HECTD4: variants seen among roughly 807,000 people sequenced by gnomAD.
HECTD4 encodes the protein probable E3 ubiquitin-protein ligase HECTD4.
A neutral mutation model predicts 471.5 loss-of-function variants in HECTD4; 114 were observed. The observed-to-expected ratio is 0.24, with a 90% CI of 0.21 to 0.28. The LOEUF (loss-of-function observed/expected upper bound fraction) is 0.28. Among genes scored for constraint, HECTD4 ranks in the 10% least tolerant of loss-of-function variants. HECTD4 has a pLI of 1.00. For synonymous variants in HECTD4, 2,012 were observed against 2,256.0 expected, an observed-to-expected ratio of 0.89 and a Z score of 3.07; for missense variants, 3,866 against 5,651.5, an observed-to-expected ratio of 0.68 and a Z score of 10.13.
At chr12:112,333,091 T>C (rs554434035) in intron 1 of HECTD4, among the ~76,000 whole-genome samples, 12 of 152,252 alleles carry the variant, frequency 7.9e-5, no homozygotes, top group African/African-American at 1.9e-4. Context: ...CACATTTTAT[T>C]TATCTATTCA....
chr12:112,328,283 C>T (rs968373616), intron 1 of HECTD4, among the ~76,000 whole-genome samples: 2 of 152,058 alleles, frequency 1.3e-5, no homozygotes, highest in Admixed American at 6.6e-5. Flanking sequence ...GGACTACAGG[C>T]ATTCACCACT....
chr12:112,179,605 C>T lies in HECTD4; in HGVS notation c.10988-208G>A, dbSNP rs1260003220. 6.6e-6 allele frequency among the ~76,000 whole-genome samples: 1 copy of T among 152,228 alleles called. No individual in the cohort carries two copies. Among genetic ancestry groups the T allele is most frequent in the Non-Finnish European group, 1.5e-5 (1 of 68,038 alleles). ...TTGCCGTAAGGTGCGGCCCTGCAACCGTGGTCACTGTGGGATGTGAGCCAC... is the reference window on the plus strand; with the variant it reads ...TTGCCGTAAGGTGCGGCCCTGCAACTGTGGTCACTGTGGGATGTGAGCCAC... On this transcript the variant is annotated intron_variant, in intron 62 of 75. Transcript: ENST00000682272. This position sits in a 1 kb window ranked among gnomAD's most constrained non-coding sequence, Gnocchi z 4.3.
intron 7 of HECTD4, among the ~76,000 whole-genome samples, chr12:112,295,182 G>T (rs2034980420): frequency 1.3e-5 from 2 of 151,858 alleles, no homozygotes; most frequent in South Asian, 4.2e-4. Context: ...CCCTGCTGGA[G>T]CTGACATTCT....
At chr12:112,236,345 TTC>T (rs1566082714) in intron 35 of HECTD4, among the ~76,000 whole-genome samples, 2 of 152,190 alleles carry the variant, frequency 1.3e-5, no homozygotes, top group Non-Finnish European at 2.9e-5. Context: ...TTGTAAATAG[TTC>T]TCTTTGGAAT....
intron 1 of HECTD4, among the ~76,000 whole-genome samples, chr12:112,332,753 C>G (rs1819770940): frequency 6.6e-6 from 1 of 151,168 alleles, no homozygotes; most frequent in African/African-American, 2.4e-5. Context: ...ATTCAATGGC[C>G]TTTAGTATAA....
chr12:112,232,949 G>T, intron 38 of HECTD4, 55 bp downstream of exon 38: 2 of 1,406,662 alleles, frequency 1.4e-6, no homozygotes, highest in Non-Finnish European at 2.0e-6. Context: ...AAAATCTAAA[G>T]CATGACAAAT....
intron 7 of HECTD4, chr12:112,301,771 G>A (rs1470403882): frequency 3.9e-6 from 2 of 508,294 alleles, no homozygotes; most frequent in Admixed American, 3.2e-5. Flanking sequence ...GTGCTTATGT[G>A]AAGTTTTACT....
At position 112,319,822 on chromosome 12, in the gene HECTD4, A is replaced by G. The variant is rs2035549178; in HGVS notation, c.178-80T>C. 3.8e-6 allele frequency: 4 copies of G among 1,062,730 alleles called. No homozygotes were observed. Among genetic ancestry groups the G allele is most frequent in the Non-Finnish European group, 4.8e-6 (4 of 832,236 alleles). The allele number at this position is 1,062,730 out of a possible 1,614,324, so 65.8% of individuals were successfully genotyped here. On this transcript the variant is annotated intron_variant, in intron 1 of 75. Transcript: ENST00000682272. The surrounding 1 kb of genome is among the most constrained non-coding windows in gnomAD (Gnocchi z 5.3). ...TAAGGAAGAAAATATGTTTAATGAT[A>G]TCCCAAAATAGTCAACGCCAAAAAT...
rs776875006 is a variant in HECTD4 at position 112,239,996 on chromosome 12, C to T, written c.4990G>A (p.Glu1664Lys). 2.1e-5 allele frequency: 34 copies of T among 1,613,836 alleles called. No homozygotes were observed. The Admixed American group carries it at 2.2e-4, about 10-fold the overall frequency. Residue 1664 changes from glutamate to lysine, a missense_variant, in exon 33 of 76, where the codon GAG becomes AAG. By Grantham distance (56) the Glu-to-Lys change is moderately conservative. Around this residue, in one of 16 missense-constraint regions of HECTD4, gnomAD observed 229 missense variants for 386.4 expected, o/e 0.59. Coordinates refer to ENST00000682272, the MANE Select transcript of HECTD4 (RefSeq NM_001388303.1). The surrounding 1 kb of genome is among the most constrained non-coding windows in gnomAD (Gnocchi z 4.9). The part of the protein sequence containing the change: ...IEELTCGGMV[E>K]QVQEAFGETM... ...TCGCCAAAGGCTTCCTGGACCTGCTCGACCATCCCACCACATGTGAGTTCT... is the reference window on the plus strand; with the variant it reads ...TCGCCAAAGGCTTCCTGGACCTGCTTGACCATCCCACCACATGTGAGTTCT...
intron 7 of HECTD4, among the ~76,000 whole-genome samples, chr12:112,289,833 C>T (rs1049859231): frequency 1.1e-4 from 17 of 152,056 alleles, no homozygotes; most frequent in African/African-American, 3.6e-4. Flanking sequence ...TGTACCACCA[C>T]GCCCAGCTAA....
intron 45 of HECTD4, 36 bp from the exon 46 acceptor site, chr12:112,217,231 T>G (rs2032943678): frequency 6.8e-7 from 1 of 1,465,214 alleles, no homozygotes; most frequent in African/African-American, 1.4e-5. Context: ...TCAGTAGAAC[T>G]GCAAACACAA....
chr12:112,217,339 A>G (rs565434806), intron 45 of HECTD4, 144 bp from the exon 46 acceptor site: 434 of 386,046 alleles, frequency 1.1e-3, no homozygotes, highest in Non-Finnish European at 1.5e-3. Context: ...ACACACATAC[A>G]CACACACACA....
chr12:112,267,721 C>G (rs189278026), intron 13 of HECTD4, among the ~76,000 whole-genome samples: 1 of 152,218 alleles, frequency 6.6e-6, no homozygotes, highest in Non-Finnish European at 1.5e-5. Context: ...ATTTCTAATT[C>G]TCAGCTTTTC....
In HECTD4 at chr12:112,179,542, C is replaced by T; in HGVS notation, c.10988-145G>A. On this transcript the variant is annotated intron_variant, in intron 62 of 75. Coordinates refer to ENST00000682272, the MANE Select transcript of HECTD4 (RefSeq NM_001388303.1). The surrounding 1 kb of genome is among the most constrained non-coding windows in gnomAD (Gnocchi z 4.3). ...AAGAGCTGCCCACCAAAGCCTGGCT[C>T]CCTCCCTGGGCACAGCCCAGCACAT... 1 of 779,302 alleles carries T rather than the reference C, an allele frequency of 1.3e-6. No homozygotes were observed. The highest frequency in any genetic ancestry group is 2.1e-6 in the Non-Finnish European group (1 of 476,816). The allele number at this position is 779,302 out of a possible 1,614,324, so 48.3% of individuals were successfully genotyped here.
chr12:112,273,457 A>G (rs952165585), intron 11 of HECTD4, among the ~76,000 whole-genome samples, 198 bp downstream of exon 11: 1 of 152,190 alleles, frequency 6.6e-6, no homozygotes, highest in African/African-American at 2.4e-5. Context: ...AGCTCTATTT[A>G]TTTACATACT....
intron 29 of HECTD4, among the ~76,000 whole-genome samples, chr12:112,244,290 C>A (rs1048345188): frequency 6.6e-6 from 1 of 152,156 alleles, no homozygotes; most frequent in Non-Finnish European, 1.5e-5. Flanking sequence ...TCCATGTTCA[C>A]TTTAATGTAA....
At chr12:112,282,255 C>T (rs1195873920) in intron 8 of HECTD4, among the ~76,000 whole-genome samples, 1 of 152,010 alleles carries the variant, frequency 6.6e-6, no homozygotes, top group East Asian at 1.9e-4. Flanking sequence ...TGGTAGCGGG[C>T]GCCTGTAGTC....
intron 1 of HECTD4, among the ~76,000 whole-genome samples, chr12:112,376,012 G>A (rs901611044): frequency 2.8e-4 from 43 of 151,980 alleles, no homozygotes; most frequent in African/African-American, 9.4e-4. Flanking sequence ...AGAGGCAGAG[G>A]TTGCAGTGAA....
At chr12:112,374,003 C>CA (rs1007853408) in intron 1 of HECTD4, among the ~76,000 whole-genome samples, 2,559 of 60,432 alleles carry the variant, frequency 0.042, 88 homozygotes, top group African/African-American at 0.12. Flanking sequence ...GACTCTGTCT[C>CA]AAAAAAAAAA....
Sources: allele counts gnomAD v4.1 joint callset (sites outside exome capture counted in the v4.1 genomes callset), GRCh38; gene constraint gnomAD v4.1.1; regional missense constraint gnomAD v4.1.1; non-coding constraint Gnocchi (gnomAD v3.1); transcripts MANE v1.5; gene names NCBI Gene and HGNC (gene_info 2026-07-23, HGNC 2026-07-21).